Variants in EPHB2 observed in about 807,000 individuals in gnomAD.
EPHB2 encodes the protein EPH receptor B2.
Under a neutral mutation model 96.4 loss-of-function variants are expected in EPHB2, and 18 were observed. That is an observed-to-expected ratio of 0.19 (90% confidence interval 0.13 to 0.28). The LOEUF (loss-of-function observed/expected upper bound fraction) is 0.28, where lower values mean the gene tolerates loss of function less well. Among genes scored for constraint, EPHB2 ranks in the 10% least tolerant of loss-of-function variants. The pLI, the probability that EPHB2 is intolerant of heterozygous loss-of-function variation, is 1.00. For synonymous variants in EPHB2, 506 were observed against 534.1 expected (o/e 0.95, Z 0.72); for missense variants, 989 against 1,355.4 (o/e 0.73, Z 4.25).
At chr1:22,831,628 C>T (rs1030343566) in intron 3 of EPHB2, among the ~76,000 whole-genome samples, 3 of 151,976 alleles carry the variant, frequency 2.0e-5, no homozygotes, top group African/African-American at 4.8e-5. Flanking sequence ...TTTCCAAATT[C>T]AGAGCCTTAA....
chr1:22,749,448 G>A (rs1278957417), intron 1 of EPHB2, among the ~76,000 whole-genome samples: 1 of 152,200 alleles, frequency 6.6e-6, no homozygotes, highest in African/African-American at 2.4e-5. Flanking sequence ...CCTCACCCAG[G>A]TCTGGGCACA....
chr1:22,787,183 T>C (rs1160104882), intron 3 of EPHB2, among the ~76,000 whole-genome samples: 1 of 152,168 alleles, frequency 6.6e-6, no homozygotes, highest in East Asian at 1.9e-4. Flanking sequence ...AGACTTGTTT[T>C]AATAGGAACT....
chr1:22,799,973 G>C (rs765145611), intron 3 of EPHB2, among the ~76,000 whole-genome samples: 4 of 152,164 alleles, frequency 2.6e-5, no homozygotes, highest in Admixed American at 2.0e-4. Context: ...ACATTTTAAA[G>C]ACCTAAGAGT....
intron 9 of EPHB2, among the ~76,000 whole-genome samples, chr1:22,897,961 G>A (rs1639619930): frequency 6.6e-6 from 1 of 151,734 alleles, no homozygotes; most frequent in Non-Finnish European, 1.5e-5. Flanking sequence ...AAATTAGCTG[G>A]GTGTGGTCAT....
chr1:22,850,520 C>T (rs770424101), intron 3 of EPHB2, among the ~76,000 whole-genome samples: 1 of 152,226 alleles, frequency 6.6e-6, no homozygotes, highest in Non-Finnish European at 1.5e-5. Flanking sequence ...GGGCCTGGCC[C>T]TGCCAGATGT....
In EPHB2 at chr1:22,895,317, C is replaced by T. The variant is rs546790463; in HGVS notation, c.1592-155C>T. 7.4e-4 allele frequency among the ~76,000 whole-genome samples: 112 copies of T among 152,322 alleles called. No individual in the cohort carries two copies. The Middle Eastern group carries it at 0.014, about 19-fold the overall frequency. ...GGTTACTTGTGAGACAGTGACAGCC[C>T]CTTTTCTGCATGGGCATGTAACAGG... On this transcript the variant is annotated intron_variant, in intron 7 of 15. Coordinates refer to ENST00000374630, the MANE Select transcript of EPHB2 (RefSeq NM_017449.5).
At chr1:22,755,604 C>T (rs1644136971) in intron 1 of EPHB2, among the ~76,000 whole-genome samples, 1 of 152,142 alleles carries the variant, frequency 6.6e-6, no homozygotes, top group South Asian at 2.1e-4. Flanking sequence ...GAGCTAGATG[C>T]ACTGGGTTTG....
chr1:22,891,793 TTG>T lies in EPHB2; in HGVS notation c.1429-1089_1429-1088del, dbSNP rs1639397006. Among the ~76,000 whole-genome samples the T allele has an allele frequency of 1.7e-5, 2 of 116,644 alleles. 1 individual carries two copies. Among genetic ancestry groups the T allele is most frequent in the Non-Finnish European group, 4.0e-5 (2 of 49,732 alleles). The allele number at this position is 116,644 out of a possible 152,430, so 76.5% of individuals were successfully genotyped here. ...TGCAAGAGTCTGGTTTCTTTTTTTTTTGTTGTTGTTGTATTTTTTTAGATAGG... is the reference window on the plus strand; with the variant it reads ...TGCAAGAGTCTGGTTTCTTTTTTTTTTTGTTGTTGTATTTTTTTAGATAGG... On this transcript the variant is annotated intron_variant, in intron 6 of 15. Coordinates refer to ENST00000374630, the MANE Select transcript of EPHB2 (RefSeq NM_017449.5).
At chr1:22,773,773 A>G (rs1452466622) in intron 1 of EPHB2, among the ~76,000 whole-genome samples, 3 of 152,062 alleles carry the variant, frequency 2.0e-5, no homozygotes, top group African/African-American at 7.2e-5. Flanking sequence ...CTGTGCTACC[A>G]TCTCCTTCTG....
intron 1 of EPHB2, among the ~76,000 whole-genome samples, chr1:22,726,974 A>G (rs1561628): frequency 0.34 from 51,755 of 152,174 alleles, 10,252 homozygotes; most frequent in South Asian, 0.61. Flanking sequence ...GAGGCTGGAA[A>G]GGGGTAGGTT....
At chr1:22,763,138 C>T (rs1644258055) in intron 1 of EPHB2, among the ~76,000 whole-genome samples, 1 of 152,204 alleles carries the variant, frequency 6.6e-6, no homozygotes, top group African/African-American at 2.4e-5. Context: ...CCATGGAGGA[C>T]CTGAGCTGCC....
At chr1:22,819,245 C>CTCTCTCTT (rs1645118475) in intron 3 of EPHB2, among the ~76,000 whole-genome samples, 1 of 147,628 alleles carries the variant, frequency 6.8e-6, no homozygotes, top group Non-Finnish European at 1.5e-5. Flanking sequence ...CTCTCTCTCT[C>CTCTCTCTT]TCTCTGCTGG....
chr1:22,792,626 G>T (rs1270012574), intron 3 of EPHB2, among the ~76,000 whole-genome samples: 1 of 152,174 alleles, frequency 6.6e-6, no homozygotes, highest in East Asian at 1.9e-4. Flanking sequence ...CCATCCATCA[G>T]ACATCCACTG....
rs1232725925 is a variant in EPHB2, at chr1:22,784,550, T to C, written c.285T>C (p.Arg95=). Residue 95 remains arginine (R), a synonymous_variant, in exon 3 of 16, where the codon CGT becomes CGC. Transcript: ENST00000374630. The surrounding 1 kb of genome is among the most constrained non-coding windows in gnomAD (Gnocchi z 5.1). The part of the protein sequence containing the change: ...RIHVEMKFSV[R]DCSSIPSVPG... ...ACGTGGAGATGAAGTTTTCGGTGCG[T>C]GACTGCAGCAGCATCCCCAGCGTGC... The C allele has an allele frequency of 1.9e-6, 3 of 1,614,030 alleles. No homozygotes were observed. The highest frequency in any genetic ancestry group is 2.2e-5 in the East Asian group (1 of 44,892).
chr1:22,750,733 A>G (rs1271120581), intron 1 of EPHB2, among the ~76,000 whole-genome samples: 1 of 152,240 alleles, frequency 6.6e-6, no homozygotes, highest in Non-Finnish European at 1.5e-5. Context: ...TTATTTAACA[A>G]ACATACAAAT....
chr1:22,724,532 AT>A (rs1643539724), intron 1 of EPHB2, among the ~76,000 whole-genome samples: 1 of 152,138 alleles, frequency 6.6e-6, no homozygotes, highest in South Asian at 2.1e-4. Context: ...TGTTTTCTTC[AT>A]TTTCAGAGGA....
intron 7 of EPHB2, 31 bp from the exon 8 acceptor site, chr1:22,895,441 C>T (rs1420813933): frequency 6.2e-7 from 1 of 1,606,460 alleles, no homozygotes; most frequent in Non-Finnish European, 8.5e-7. Context: ...CACAGCCAGG[C>T]TGAGAATGCC....
chr1:22,795,868 G>A (rs1257082173), intron 3 of EPHB2, among the ~76,000 whole-genome samples: 1 of 152,116 alleles, frequency 6.6e-6, no homozygotes, highest in Admixed American at 6.5e-5. Context: ...CCCCCGCCGG[G>A]GGAGGTTTTC....
In EPHB2 at chr1:22,906,175, A is replaced by G. The variant is rs1363821954; in HGVS notation, c.1888+66A>G. The G allele has an allele frequency of 1.9e-6, 3 of 1,610,012 alleles. No individual in the cohort carries two copies. The African/African-American group carries it at 4.0e-5, about 22-fold the overall frequency. On this transcript the variant is annotated intron_variant, in intron 10 of 15. Transcript: ENST00000374630. This position sits in a 1 kb window ranked among gnomAD's most constrained non-coding sequence, Gnocchi z 4.8. ...ATGGCTGGTGAGACCACCCCAATGT[A>G]TACCCTTGGGGCAGAAGGTAGGATG...
Sources: gnomAD v4.1 joint callset for allele counts (sites outside exome capture counted in the v4.1 genomes callset) on GRCh38, gnomAD v4.1.1 for gene constraint, Gnocchi (gnomAD v3.1) non-coding constraint, MANE v1.5 for transcripts, NCBI Gene and HGNC (gene_info 2026-07-23, HGNC 2026-07-21) for gene names.